Variants in CELA1 observed in about 807,000 individuals in gnomAD.
CELA1 encodes chymotrypsin-like elastase family member 1.
In CELA1, 28 loss-of-function variants were observed where a neutral mutation model predicts 34.8. That is an observed-to-expected ratio of 0.80 (90% CI 0.60 to 1.10). CELA1 has a LOEUF of 1.10. Ranked by LOEUF, CELA1 falls within the 50% of genes least tolerant of loss-of-function variation. The pLI is 0.00. For missense variants in CELA1, 288 were observed against 327.5 expected (o/e 0.88, Z 0.93); for synonymous variants, 140 against 129.8 (o/e 1.08, Z -0.53).
chr12:51,339,946 T>A lies in CELA1; in HGVS notation c.523A>T (p.Ile175Phe), dbSNP rs1317316917. ...CCCCAGTAGGAGGAGCTGGAGCAGA[T>A]GGCGTAGTCCACAGAGGGCAGGTAA... Reference protein sequence around the residue: ...QAYLPSVDYAICSSSSYWGST... With the variant: ...QAYLPSVDYAFCSSSSYWGST... Residue 175 changes from isoleucine (I) to phenylalanine (F), a missense_variant, in exon 6 of 8, where the codon ATC becomes TTC. Coordinates refer to ENST00000293636, the MANE Select transcript of CELA1 (RefSeq NM_001971.6). The A allele has an allele frequency of 6.2e-7, 1 of 1,614,160 alleles. No homozygotes were observed. Among genetic ancestry groups the A allele is most frequent in the Admixed American group, 1.7e-5 (1 of 60,022 alleles).
chr12:51,343,348 C>G (rs1946549134), intron 3 of CELA1, among the ~76,000 whole-genome samples: 1 of 152,140 alleles, frequency 6.6e-6, no homozygotes, highest in African/African-American at 2.4e-5. Flanking sequence ...TCTGTGCCTT[C>G]CAGGTGATTC....
chr12:51,334,311 T>C (rs934056203), intron 6 of CELA1, among the ~76,000 whole-genome samples: 1 of 152,212 alleles, frequency 6.6e-6, no homozygotes, highest in African/African-American at 2.4e-5. Context: ...CTTATTCCCA[T>C]GTAGAGTCCC....
chr12:51,338,448 A>G (rs1275883557), intron 6 of CELA1, among the ~76,000 whole-genome samples: 1 of 151,930 alleles, frequency 6.6e-6, no homozygotes, highest in African/African-American at 2.4e-5. Flanking sequence ...ATAATTCTGT[A>G]TGTACTCTAG....
rs760635291 is a variant in CELA1, at chr12:51,341,245, C to T, written c.462G>A (p.Lys154=). 1 of 1,614,096 alleles carries T rather than the reference C, an allele frequency of 6.2e-7. No homozygotes were observed. Among genetic ancestry groups the T allele is most frequent in the Non-Finnish European group, 8.5e-7 (1 of 1,180,008 alleles). ...ATTGTGCCAATGTAGGCAACTTACT[C>T]TTGGTCTTGCCCCAGCCTGTGATGT... ...PCYITGWGKT[K]TNGQLAQTLQ... is the part of the protein sequence containing the mutation. Residue 154 remains lysine, a splice_region_variant and synonymous_variant, in exon 5 of 8, where the codon AAG becomes AAA. Transcript: ENST00000293636.
At chr12:51,340,589 A>G (rs1320725150) in intron 5 of CELA1, among the ~76,000 whole-genome samples, 1 of 151,928 alleles carries the variant, frequency 6.6e-6, no homozygotes, top group Non-Finnish European at 1.5e-5. Context: ...GGGTTTCTCC[A>G]TGTTGGTCAG....
chr12:51,336,472 C>T (rs1167295359), intron 6 of CELA1, among the ~76,000 whole-genome samples: 2 of 152,102 alleles, frequency 1.3e-5, no homozygotes, highest in Non-Finnish European at 2.9e-5. Context: ...ACTAAAAATA[C>T]AAAAATTAGC....
chr12:51,336,479 T>C (rs1418922660), intron 6 of CELA1, among the ~76,000 whole-genome samples: 1 of 152,072 alleles, frequency 6.6e-6, no homozygotes, highest in Non-Finnish European at 1.5e-5. Flanking sequence ...ATACAAAAAT[T>C]AGCCAGGTGT....
intron 4 of CELA1, 101 bp from the exon 5 acceptor site, chr12:51,341,481 G>T (rs1161623772): frequency 1.5e-6 from 2 of 1,343,472 alleles, no homozygotes; most frequent in East Asian, 4.7e-5. Context: ...CGTGGAATTG[G>T]AAAGTGACGA....
chr12:51,340,792 G>T (rs1946529512), intron 5 of CELA1, among the ~76,000 whole-genome samples: 1 of 152,150 alleles, frequency 6.6e-6, no homozygotes, highest in African/African-American at 2.4e-5. Flanking sequence ...GATTTCTTAA[G>T]CTCAGGAGTT....
intron 1 of CELA1, 152 bp downstream of exon 1, chr12:51,346,471 G>A (rs1946565402): frequency 1.4e-6 from 1 of 707,726 alleles, no homozygotes. Flanking sequence ...TCTGCAGGCA[G>A]AGCGTCCCAC....
intron 6 of CELA1, among the ~76,000 whole-genome samples, 191 bp from the exon 7 acceptor site, chr12:51,330,024 C>T (rs1026415077): frequency 6.6e-6 from 1 of 152,172 alleles, no homozygotes; most frequent in Non-Finnish European, 1.5e-5. Flanking sequence ...TACTTCTTCT[C>T]TTTTGCTGCA....
chr12:51,329,875 G>A (rs370854303), intron 6 of CELA1, 42 bp from the exon 7 acceptor site: 9 of 1,549,304 alleles, frequency 5.8e-6, no homozygotes, highest in Non-Finnish European at 6.1e-6. Context: ...CCAGATCTTC[G>A]GGCTTTTGCT....
rs17125642 is a variant in CELA1 at position 51,328,695 on chromosome 12, T to C, written c.760-101A>G. 0.014 allele frequency: 18,719 copies of C among 1,366,514 alleles called. 1,251 individuals are homozygous for C. In the Admixed American group the frequency reaches 0.17, roughly 13 times the overall value. 84.6% of individuals were successfully genotyped at this position (1,366,514 alleles called of 1,614,324 possible). On this transcript the variant is annotated intron_variant, in intron 7 of 7. Coordinates refer to ENST00000293636, the MANE Select transcript of CELA1 (RefSeq NM_001971.6). Reference sequence around the variant, plus strand: ...TAAGTATGGTTTTGTACTGGGTTTATGGGAAGTTGACAGGGTGTGGGGACA... The same window carrying C: ...TAAGTATGGTTTTGTACTGGGTTTACGGGAAGTTGACAGGGTGTGGGGACA...
In CELA1 at chr12:51,329,852, G is replaced by C. The variant is rs1392131924; in HGVS notation, c.610-19C>G. 6.3e-7 allele frequency: 1 copy of C among 1,586,416 alleles called. No individual in the cohort carries two copies. ...AGTCACCCTGCAGGGAGGAGAAACA[G>C]AATCCTAAAACTCCAGATCTTCGGG... On this transcript the variant is annotated intron_variant, in intron 6 of 7. Coordinates refer to ENST00000293636, the MANE Select transcript of CELA1 (RefSeq NM_001971.6).
chr12:51,340,104 A>G, intron 5 of CELA1, 99 bp from the exon 6 acceptor site: 1 of 1,093,470 alleles, frequency 9.1e-7, no homozygotes, highest in Admixed American at 2.5e-5. Flanking sequence ...GTGAAAGCTG[A>G]GCTCAGGGCA....
At chr12:51,339,288 C>T (rs1373024715) in intron 6 of CELA1, among the ~76,000 whole-genome samples, 1 of 152,150 alleles carries the variant, frequency 6.6e-6, no homozygotes, top group Non-Finnish European at 1.5e-5. Context: ...TGGTGGCTCA[C>T]GCCTGTAGTC....
intron 6 of CELA1, among the ~76,000 whole-genome samples, chr12:51,334,782 C>T (rs1487982102): frequency 1.3e-5 from 2 of 152,186 alleles, no homozygotes; most frequent in Non-Finnish European, 2.9e-5. Flanking sequence ...GCTTCTCTCT[C>T]TCCTCCATCT....
rs1281793239 is a variant in CELA1 at position 51,341,326 on chromosome 12, G to A, written c.381C>T (p.Val127=). 47 of 1,614,086 alleles carry A rather than the reference G, an allele frequency of 2.9e-5. No individual in the cohort carries two copies. The highest frequency in any genetic ancestry group is 3.9e-5 in the Non-Finnish European group (46 of 1,180,044). Residue 127 remains valine, a synonymous_variant, in exon 5 of 8, where the codon GTC becomes GTT. Transcript: ENST00000293636. ...CCTCCTGGGGCAGAACACCCAGCTG[G>A]ACATAGCTATTGAGGGTAACGCTCT... The part of the protein sequence containing the change: ...LAQSVTLNSY[V]QLGVLPQEGA...
In CELA1 at chr12:51,346,015, C is replaced by T. The variant is rs996834971; in HGVS notation, c.17-138G>A. The T allele has an allele frequency of 4.7e-5, 30 of 640,502 alleles. No individual in the cohort carries two copies. In the South Asian group the frequency reaches 5.8e-4, roughly 12 times the overall value. The allele number at this position is 640,502 out of a possible 1,614,324, so 39.7% of individuals were successfully genotyped here. A position where few individuals can be genotyped will look rare whatever the true frequency, so the allele number is the denominator to read the frequency against. On this transcript the variant is annotated intron_variant, in intron 1 of 7. Transcript: ENST00000293636. ...AGTTCCTCTCTAACGAATGAGGGGC[C>T]CAGCTGTGAGTTCTCTGAGCCCCTT...
Sources: gnomAD v4.1 joint callset for allele counts (sites outside exome capture counted in the v4.1 genomes callset) on GRCh38, gnomAD v4.1.1 for gene constraint, MANE v1.5 for transcripts, NCBI Gene and HGNC (gene_info 2026-07-23, HGNC 2026-07-21) for gene names.